Variants in ERICH6 observed in about 807,000 individuals in gnomAD.
ERICH6 encodes glutamate-rich protein 6.
In ERICH6, 71 loss-of-function variants were observed where a neutral mutation model predicts 71.0. The observed-to-expected ratio is 1.00, with a 90% CI of 0.83 to 1.22. The LOEUF (loss-of-function observed/expected upper bound fraction) is 1.22. Among genes scored for constraint, ERICH6 ranks in the 50% most tolerant of loss-of-function variants. ERICH6 has a pLI of 0.00. For synonymous variants in ERICH6, 262 were observed against 278.4 expected (o/e 0.94, Z 0.59); for missense variants, 808 against 797.2 (o/e 1.01, Z -0.16).
chr3:150,670,996 C>G (rs1412780956), intron 11 of ERICH6, among the ~76,000 whole-genome samples: 4 of 152,082 alleles, frequency 2.6e-5, no homozygotes, highest in Non-Finnish European at 5.9e-5. Flanking sequence ...TATACAGACA[C>G]AGCCTGTAGT....
intron 10 of ERICH6, 109 bp downstream of exon 10, chr3:150,678,300 G>A (rs1010892195): frequency 1.9e-6 from 2 of 1,051,512 alleles, no homozygotes. Context: ...AATTCTTTTT[G>A]ACAACTAGTT....
At chr3:150,675,929 A>G (rs1348664379) in intron 10 of ERICH6, among the ~76,000 whole-genome samples, 1 of 119,124 alleles carries the variant, frequency 8.4e-6, no homozygotes, top group Non-Finnish European at 1.7e-5. Context: ...TTTTTTTCTC[A>G]TACTGCTTGA....
At chr3:150,686,168 G>A (rs902203994) in intron 4 of ERICH6, 130 bp downstream of exon 4, 13 of 1,258,822 alleles carry the variant, frequency 1.0e-5, no homozygotes, top group Middle Eastern at 1.9e-4. Flanking sequence ...TGACGTTTTC[G>A]CCACCTTCTC....
intron 6 of ERICH6, among the ~76,000 whole-genome samples, chr3:150,685,165 G>A (rs1712129544): frequency 6.6e-6 from 1 of 152,232 alleles, no homozygotes; most frequent in African/African-American, 2.4e-5. Context: ...ACTCTTACAG[G>A]TTGAATTGTG....
chr3:150,680,369 A>G (rs1711855544), intron 9 of ERICH6, 99 bp downstream of exon 9: 2 of 1,273,384 alleles, frequency 1.6e-6, no homozygotes, highest in Admixed American at 1.8e-5. Flanking sequence ...CACCTGGCCA[A>G]TACTATTTTT....
chr3:150,685,991 T>C lies in ERICH6; in HGVS notation c.641A>G (p.Lys214Arg). Residue 214 changes from lysine to arginine, a missense_variant, in exon 5 of 14, where the codon AAA (lysine) becomes AGA (arginine). Lys to Arg is a conservative substitution (Grantham distance 26). This residue lies in a region of ERICH6 where 736 missense variants were observed against 712.2 expected (regional missense o/e 1.03). Coordinates refer to ENST00000295910, the MANE Select transcript of ERICH6 (RefSeq NM_152394.5). ...EKWVINPEESKLNILYELEFK... is the reference protein window; with the variant it reads ...EKWVINPEESRLNILYELEFK... Reference sequence around the variant, plus strand: ...CTCCAGCTCATATAAAATATTTAGTTTCGACTCTTCTGGATTAATTACCCA... The same window carrying C: ...CTCCAGCTCATATAAAATATTTAGTCTCGACTCTTCTGGATTAATTACCCA... The C allele has an allele frequency of 6.2e-7, 1 of 1,604,084 alleles. No individual in the cohort carries two copies. Among genetic ancestry groups the C allele is most frequent in the Non-Finnish European group, 8.5e-7 (1 of 1,170,838 alleles).
At chr3:150,681,804 A>ACT (rs1711956436) in intron 7 of ERICH6, among the ~76,000 whole-genome samples, 1 of 126,010 alleles carries the variant, frequency 7.9e-6, no homozygotes, top group Non-Finnish European at 1.6e-5. Flanking sequence ...CTAACACATA[A>ACT]CTCTTTTTTT....
intron 3 of ERICH6, among the ~76,000 whole-genome samples, chr3:150,697,275 T>A (rs1205140294): frequency 6.6e-6 from 1 of 152,174 alleles, no homozygotes; most frequent in Non-Finnish European, 1.5e-5. Flanking sequence ...AGTGGTGACA[T>A]CTGAAATTGA....
intron 13 of ERICH6, among the ~76,000 whole-genome samples, chr3:150,660,975 T>C (rs917126019): frequency 1.3e-5 from 2 of 152,162 alleles, no homozygotes; most frequent in African/African-American, 2.4e-5. Context: ...TAACAAAGAA[T>C]AGTTCAGAAT....
intron 6 of ERICH6, among the ~76,000 whole-genome samples, chr3:150,682,641 A>T (rs1259605840): frequency 6.6e-6 from 1 of 152,150 alleles, no homozygotes; most frequent in African/African-American, 2.4e-5. Flanking sequence ...CTTGTTGGGG[A>T]GGGGAATGTG....
At chr3:150,669,178 TA>T in intron 12 of ERICH6, 117 bp downstream of exon 12, 1 of 1,147,198 alleles carries the variant, frequency 8.7e-7, no homozygotes, top group Non-Finnish European at 1.2e-6. Flanking sequence ...CATTACCATC[TA>T]AAGAACACTA....
chr3:150,667,561 G>A (rs948372630), intron 12 of ERICH6, among the ~76,000 whole-genome samples: 2 of 152,108 alleles, frequency 1.3e-5, no homozygotes, highest in Non-Finnish European at 2.9e-5. Flanking sequence ...GTGGAGAAGA[G>A]GTCTGTGACA....
At chr3:150,673,133 C>T (rs958939616) in intron 11 of ERICH6, among the ~76,000 whole-genome samples, 2 of 139,600 alleles carry the variant, frequency 1.4e-5, no homozygotes, top group African/African-American at 5.9e-5. Flanking sequence ...CTTCCTTCTT[C>T]CTTCCTTCCT....
intron 11 of ERICH6, among the ~76,000 whole-genome samples, chr3:150,673,726 C>A (rs957837130): frequency 2.0e-5 from 3 of 152,132 alleles, no homozygotes; most frequent in African/African-American, 7.2e-5. Context: ...GTAGCTGAGA[C>A]TACAGGCATG....
rs569514909 is a variant in ERICH6 at position 150,681,885 on chromosome 3, G to A, written c.882+333C>T. ...GCTGGAGTGCAGTGGCACGATCTTG[G>A]CTCACTGCGACCTCCGTCTCCCGGG... is the stretch of plus-strand genomic sequence containing the variant. On this transcript the variant is annotated intron_variant, in intron 7 of 13. Coordinates refer to ENST00000295910, the MANE Select transcript of ERICH6 (RefSeq NM_152394.5). 1.5e-4 allele frequency among the ~76,000 whole-genome samples: 21 copies of A among 137,370 alleles called. 1 individual carries two copies. The South Asian group carries it at 4.7e-3, about 31-fold the overall frequency. 90.1% of individuals were successfully genotyped at this position (137,370 alleles called of 152,430 possible).
chr3:150,703,701 C>T lies in ERICH6; in HGVS notation c.198G>A (p.Glu66=). 1 of 1,610,420 alleles carries T rather than the reference C, an allele frequency of 6.2e-7. No homozygotes were observed. The highest frequency in any genetic ancestry group is 1.1e-5 in the South Asian group (1 of 90,450). ...VEEELVGEEQ[E]LEAPETFSEE... Reference sequence around the variant, plus strand: ...CGCTGAACGTCTCAGGGGCCTCCAACTCCTGCTCTTCCCCCACCAACTCCT... The same window carrying T: ...CGCTGAACGTCTCAGGGGCCTCCAATTCCTGCTCTTCCCCCACCAACTCCT... Residue 66 remains glutamate, a synonymous_variant, in exon 1 of 14, where the codon GAG becomes GAA. Transcript: ENST00000295910.
chr3:150,684,645 G>A (rs1263678650), intron 6 of ERICH6, among the ~76,000 whole-genome samples: 4 of 152,150 alleles, frequency 2.6e-5, no homozygotes, highest in African/African-American at 4.8e-5. Context: ...CCACTCTAGC[G>A]GCAGTGTGGT....
intron 3 of ERICH6, among the ~76,000 whole-genome samples, chr3:150,690,450 G>A (rs1325344663): frequency 6.6e-6 from 1 of 151,850 alleles, no homozygotes; most frequent in East Asian, 1.9e-4. Context: ...TACTTCTATT[G>A]GCATGCCTAA....
intron 13 of ERICH6, 107 bp from the exon 14 acceptor site, chr3:150,660,262 G>T: frequency 1.6e-6 from 2 of 1,267,774 alleles, no homozygotes; most frequent in Non-Finnish European, 2.2e-6. Context: ...TCCCTGATGA[G>T]GGTCCACTCT....
Sources: allele counts gnomAD v4.1 joint callset (sites outside exome capture counted in the v4.1 genomes callset), GRCh38; gene constraint gnomAD v4.1.1; regional missense constraint gnomAD v4.1.1; transcripts MANE v1.5; gene names NCBI Gene and HGNC (gene_info 2026-07-23, HGNC 2026-07-21).